CACNB2: variants seen among roughly 807,000 people sequenced by gnomAD.
CACNB2 encodes voltage-dependent L-type calcium channel subunit beta-2.
Under a neutral mutation model 73.3 loss-of-function variants are expected in CACNB2, and 42 were observed. The ratio of observed to expected loss-of-function variants is 0.57; its 90% confidence interval spans 0.45 to 0.74. CACNB2 has a LOEUF of 0.74. Ranked by LOEUF, CACNB2 falls within the 30% of genes least tolerant of loss-of-function variation. The pLI is 0.00. For missense variants in CACNB2, 940 were observed against 853.0 expected (o/e 1.10, Z -1.27); for synonymous variants, 348 against 310.3 (o/e 1.12, Z -1.28).
At chr10:18,404,710 T>G (rs2132560361) in intron 3 of CACNB2, among the ~76,000 whole-genome samples, 1 of 152,280 alleles carries the variant, frequency 6.6e-6, no homozygotes, top group African/African-American at 2.4e-5. Context: ...CATTATCCAC[T>G]AATTGCCTAA....
At chr10:18,192,268 G>GTTCATTCATTAA (rs2034435216) in intron 2 of CACNB2, among the ~76,000 whole-genome samples, 1 of 151,274 alleles carries the variant, frequency 6.6e-6, no homozygotes, top group Non-Finnish European at 1.5e-5. Flanking sequence ...TCAGACTTAC[G>GTTCATTCATTAA]TTCATTCATT....
intron 2 of CACNB2, among the ~76,000 whole-genome samples, chr10:18,243,459 G>A (rs183799390): frequency 1.2e-4 from 18 of 152,234 alleles, no homozygotes; most frequent in Non-Finnish European, 1.0e-4. Context: ...AGACAACATG[G>A]CAGAGTTTAA....
At chr10:18,393,785 T>C (rs1004436630) in intron 2 of CACNB2, among the ~76,000 whole-genome samples, 1 of 152,190 alleles carries the variant, frequency 6.6e-6, no homozygotes, top group African/African-American at 2.4e-5. Flanking sequence ...CCCTTGTAGA[T>C]AAGTAATGAA....
At chr10:18,165,089 T>C (rs953343689) in intron 2 of CACNB2, among the ~76,000 whole-genome samples, 2 of 152,188 alleles carry the variant, frequency 1.3e-5, no homozygotes, top group Admixed American at 1.3e-4. Context: ...GCAAAAGAGC[T>C]GAATACAAAA....
intron 6 of CACNB2, among the ~76,000 whole-genome samples, chr10:18,511,434 A>C (rs1024295950): frequency 6.6e-6 from 1 of 152,192 alleles, no homozygotes; most frequent in Non-Finnish European, 1.5e-5. Context: ...AAATAATGTA[A>C]TGCCTGTCAG....
At chr10:18,313,649 A>T (rs548666732) in intron 2 of CACNB2, among the ~76,000 whole-genome samples, 1 of 152,286 alleles carries the variant, frequency 6.6e-6, no homozygotes, top group South Asian at 2.1e-4. Flanking sequence ...ATTAAATCCA[A>T]AGCTTTATTT....
At chr10:18,256,273 T>A (rs988190396) in intron 2 of CACNB2, among the ~76,000 whole-genome samples, 3 of 145,366 alleles carry the variant, frequency 2.1e-5, no homozygotes, top group African/African-American at 7.3e-5. Flanking sequence ...TTTATTTGAT[T>A]ATTTAGTAAA....
At chr10:18,247,124 G>A (rs11013154) in intron 2 of CACNB2, among the ~76,000 whole-genome samples, 13,237 of 152,026 alleles carry the variant, frequency 0.087, 1,145 homozygotes, top group African/African-American at 0.23. Context: ...CGTGAGACCC[G>A]TCTGCTATCT....
intron 5 of CACNB2, among the ~76,000 whole-genome samples, chr10:18,504,937 G>A (rs1365086841): frequency 2.0e-5 from 3 of 152,182 alleles, no homozygotes; most frequent in Admixed American, 1.3e-4. Context: ...GAGCCACCGT[G>A]CCCGGCCTCT....
chr10:18,297,229 T>C (rs2039315641), intron 2 of CACNB2, among the ~76,000 whole-genome samples: 1 of 152,198 alleles, frequency 6.6e-6, no homozygotes, highest in African/African-American at 2.4e-5. Flanking sequence ...TTCATCAGTT[T>C]TGAAGCACAT....
intron 2 of CACNB2, among the ~76,000 whole-genome samples, chr10:18,183,390 G>T (rs1241027336): frequency 6.6e-6 from 1 of 151,570 alleles, no homozygotes; most frequent in Non-Finnish European, 1.5e-5. Context: ...TTCACATTTT[G>T]CCACTGTATT....
At chr10:18,220,441 T>C (rs185959329) in intron 2 of CACNB2, among the ~76,000 whole-genome samples, 1 of 150,832 alleles carries the variant, frequency 6.6e-6, no homozygotes, top group Non-Finnish European at 1.5e-5. Context: ...TTTTAATATA[T>C]ATTTTTAACA....
intron 2 of CACNB2, among the ~76,000 whole-genome samples, chr10:18,203,714 C>A (rs1265110408): frequency 1.3e-5 from 2 of 152,032 alleles, no homozygotes; most frequent in African/African-American, 4.8e-5. Context: ...GAAGAATGAA[C>A]AAGTAATTGT....
intron 3 of CACNB2, among the ~76,000 whole-genome samples, chr10:18,411,179 C>A (rs990193715): frequency 1.3e-5 from 2 of 152,100 alleles, no homozygotes; most frequent in African/African-American, 2.4e-5. Context: ...AGAAAACTGG[C>A]TGAATATGTC....
intron 2 of CACNB2, among the ~76,000 whole-genome samples, chr10:18,189,642 A>G (rs764671043): frequency 6.6e-6 from 1 of 152,192 alleles, no homozygotes; most frequent in Non-Finnish European, 1.5e-5. Context: ...TGTTGTTTTA[A>G]TTTTTTCATT....
chr10:18,425,167 T>C (rs1179859858), intron 3 of CACNB2, among the ~76,000 whole-genome samples: 7 of 152,372 alleles, frequency 4.6e-5, no homozygotes, highest in Middle Eastern at 3.4e-3. Context: ...TGGACTTCTT[T>C]TTAATTATTA....
rs1254759554 is a variant in CACNB2 at position 18,541,123 on chromosome 10, A to C, written c.*1399A>C. ...ATAACTTCTCCCACTTCAATTTCTA[A>C]CCTTGCCTATTGTTCCTGTTGTTTG... On this transcript the variant is annotated 3_prime_UTR_variant, in exon 14 of 14. Coordinates refer to ENST00000324631, the MANE Select transcript of CACNB2 (RefSeq NM_201596.3). The C allele has an allele frequency of 9.8e-5, 15 of 152,572 alleles. No individual in the cohort carries two copies. The highest frequency in any genetic ancestry group is 1.9e-4 in the Non-Finnish European group (13 of 68,034). 9.5% of individuals were successfully genotyped at this position (152,572 alleles called of 1,614,324 possible).
intron 9 of CACNB2, among the ~76,000 whole-genome samples, chr10:18,526,174 C>G (rs1363566931): frequency 6.6e-6 from 1 of 152,210 alleles, no homozygotes; most frequent in Non-Finnish European, 1.5e-5. Flanking sequence ...CCTCCAATAT[C>G]ATTATCTTTG....
chr10:18,340,937 G>GT, intron 2 of CACNB2: 1 of 1,614,196 alleles, frequency 6.2e-7, no homozygotes. Flanking sequence ...ATGCTTGACA[G>GT]ACGCCTTATA....
Sources: gnomAD v4.1 joint callset for allele counts (sites outside exome capture counted in the v4.1 genomes callset) on GRCh38, gnomAD v4.1.1 for gene constraint, MANE v1.5 for transcripts, NCBI Gene and HGNC (gene_info 2026-07-23, HGNC 2026-07-21) for gene names.